PCDH15: variants seen among roughly 807,000 people sequenced by gnomAD.
PCDH15 encodes protocadherin related 15, also known as protocadherin-15.
A neutral mutation model predicts 178.5 loss-of-function variants in PCDH15; 129 were observed. The ratio of observed to expected loss-of-function variants is 0.72; its 90% confidence interval spans 0.63 to 0.84. The LOEUF (loss-of-function observed/expected upper bound fraction) is 0.84, where lower values mean the gene tolerates loss of function less well. Among genes scored for constraint, PCDH15 ranks in the 40% least tolerant of loss-of-function variants. The pLI is 0.00. For synonymous variants in PCDH15, 800 were observed against 732.0 expected (o/e 1.09, Z -1.50); for missense variants, 2,230 against 2,099.9 (o/e 1.06, Z -1.21).
At chr10:54,204,397 T>C (rs1475944011) in intron 10 of PCDH15, among the ~76,000 whole-genome samples, 1 of 151,526 alleles carries the variant, frequency 6.6e-6, no homozygotes, top group South Asian at 2.1e-4. Context: ...TAGAATCCTA[T>C]AGTGGAAGTT....
At chr10:54,730,578 T>C (rs1943200219) in intron 1 of PCDH15, among the ~76,000 whole-genome samples, 1 of 151,238 alleles carries the variant, frequency 6.6e-6, no homozygotes, top group Non-Finnish European at 1.5e-5. Context: ...AAGAAAGTAA[T>C]CAAAGTAGAA....
chr10:55,435,407 T>C (rs1839015383), intron 2 of PCDH15, among the ~76,000 whole-genome samples: 1 of 152,190 alleles, frequency 6.6e-6, no homozygotes, highest in Non-Finnish European at 1.5e-5. Context: ...TAGCAAATAG[T>C]TAATTAAATA....
chr10:54,963,001 C>A (rs192836620), intron 2 of PCDH15, among the ~76,000 whole-genome samples: 52 of 152,302 alleles, frequency 3.4e-4, no homozygotes, highest in Middle Eastern at 3.4e-3. Flanking sequence ...GGCTTGACTA[C>A]TAAATTCCAG....
intron 27 of PCDH15, among the ~76,000 whole-genome samples, chr10:53,859,932 TCTC>T (rs372104815): frequency 6.6e-6 from 1 of 152,026 alleles, no homozygotes; most frequent in African/African-American, 2.4e-5. Context: ...ATCAAGGAAA[TCTC>T]CTGCTCCCGG....
intron 1 of PCDH15, among the ~76,000 whole-genome samples, chr10:54,796,503 TTC>T (rs1740303855): frequency 1.3e-5 from 2 of 151,818 alleles, no homozygotes; most frequent in African/African-American, 4.8e-5. Context: ...ATCTGTCTAT[TTC>T]TGTCTTTCTT....
intron 2 of PCDH15, among the ~76,000 whole-genome samples, chr10:54,965,343 C>T (rs149065234): frequency 3.9e-4 from 59 of 152,092 alleles, no homozygotes; most frequent in East Asian, 1.6e-3. Flanking sequence ...ATTTTCCCCA[C>T]GCTATTCTCA....
rs558648963 is a variant in PCDH15 at position 54,952,878 on chromosome 10, T to G, written c.-79-55378A>C. Among the ~76,000 whole-genome samples, 7 of 151,656 alleles carry G rather than the reference T, an allele frequency of 4.6e-5. No individual in the cohort carries two copies. In the South Asian group the frequency reaches 1.5e-3, roughly 31 times the overall value. ...AAACTTGCTATATTCACATATAGTT[T>G]CAGAAGGGTTTTTTGTTGATTCTTT... On this transcript the variant is annotated intron_variant, in intron 2 of 5. Coordinates refer to the PCDH15 transcript ENST00000458638.
rs1382971788 is a variant in PCDH15 at position 55,334,236 on chromosome 10, ATATATATGTGTGTGTGTGTGTGTG to A, written c.-155-167609_-155-167586del. ...TAGGGTGCTCCATATATATATATAT[ATATATATGTGTGTGTGTGTGTGTG>A]TGTGTGTGTGTGTGTGTGTGTGTGT... On this transcript the variant is annotated intron_variant, in intron 2 of 5. Transcript: ENST00000613346. 7.6e-5 allele frequency among the ~76,000 whole-genome samples: 8 copies of A among 105,360 alleles called. No individual in the cohort carries two copies. In the East Asian group the frequency reaches 2.2e-3, roughly 30 times the overall value. 69.1% of individuals were successfully genotyped at this position (105,360 alleles called of 152,430 possible).
intron 2 of PCDH15, among the ~76,000 whole-genome samples, chr10:54,620,200 C>T (rs2093313356): frequency 6.6e-6 from 1 of 151,886 alleles, no homozygotes. Flanking sequence ...AACTCAATAA[C>T]TTATTTTATA....
intron 1 of PCDH15, among the ~76,000 whole-genome samples, chr10:54,728,063 T>C (rs1258828433): frequency 6.6e-6 from 1 of 151,272 alleles, no homozygotes. Context: ...AGGAGGGACT[T>C]CTCCCTAACT....
chr10:55,297,767 C>T (rs1332010784), intron 1 of PCDH15, among the ~76,000 whole-genome samples: 2 of 151,962 alleles, frequency 1.3e-5, no homozygotes, highest in Non-Finnish European at 2.9e-5. Flanking sequence ...GGGGCTGGGG[C>T]ATGACTGAGA....
chr10:54,194,801 A>G (rs905898228), intron 11 of PCDH15, among the ~76,000 whole-genome samples: 1 of 152,082 alleles, frequency 6.6e-6, no homozygotes, highest in Non-Finnish European at 1.5e-5. Context: ...GTGGTAGTTC[A>G]CAAACTCAAA....
rs1212404096 is a variant in PCDH15, at chr10:54,752,487, AAAAAC to A, written c.-29+48433_-29+48437del. Among the ~76,000 whole-genome samples, 895 of 93,044 alleles carry A rather than the reference AAAAAC, an allele frequency of 9.6e-3. 51 individuals carry two copies. Among genetic ancestry groups the A allele is most frequent in the African/African-American group, 0.03 (824 of 27,250 alleles). The allele number at this position is 93,044 out of a possible 152,430, so 61.0% of individuals were successfully genotyped here. A position where few individuals can be genotyped will look rare whatever the true frequency, so the allele number is the denominator to read the frequency against. ...ACGAGACTCCGTCTCAAAAAAAAAA[AAAAAC>A]AAAAAACAAAAAACAAAAAACAAAC... On this transcript the variant is annotated intron_variant, in intron 1 of 37. Transcript: ENST00000644397.
chr10:55,258,758 C>CTT (rs11398382), intron 1 of PCDH15, among the ~76,000 whole-genome samples: 2,255 of 108,114 alleles, frequency 0.021, 83 homozygotes, highest in African/African-American at 0.039. Context: ...TGTTTGTCTG[C>CTT]TTTTTTTTTT....
rs1263811377 is a variant in PCDH15, at chr10:53,808,326, G to GTA, written c.4672-1197_4672-1196insTA. On this transcript the variant is annotated intron_variant, in intron 37 of 37. Transcript: ENST00000644397. ...TGATATAAAAACATATATAGTGTGT[G>GTA]TGTGTATATATATATATATATATAT... The GTA allele has an allele frequency of 3.9e-3, 1,780 of 451,552 alleles. 5 individuals are homozygous for GTA. Among genetic ancestry groups the GTA allele is most frequent in the African/African-American group, 0.015 (625 of 41,922 alleles). The allele number at this position is 451,552 out of a possible 1,614,324, so 28.0% of individuals were successfully genotyped here.
intron 2 of PCDH15, among the ~76,000 whole-genome samples, chr10:55,562,852 G>T (rs1253484215): frequency 1.3e-5 from 2 of 151,982 alleles, no homozygotes; most frequent in Non-Finnish European, 2.9e-5. Context: ...GGAAAAGCAA[G>T]CACTGGAAAT....
chr10:54,123,467 A>G (rs2041731380), intron 15 of PCDH15, among the ~76,000 whole-genome samples: 1 of 152,184 alleles, frequency 6.6e-6, no homozygotes, highest in East Asian at 1.9e-4. Context: ...CAAAACCACT[A>G]TGAGATACCT....
intron 9 of PCDH15, among the ~76,000 whole-genome samples, chr10:54,231,201 G>T (rs1384708239): frequency 1.3e-5 from 2 of 152,194 alleles, no homozygotes; most frequent in Admixed American, 1.3e-4. Flanking sequence ...ACTGCCCTGT[G>T]CAACCTCAGG....
chr10:55,527,520 A>G (rs778732302), intron 2 of PCDH15, among the ~76,000 whole-genome samples: 5 of 152,066 alleles, frequency 3.3e-5, no homozygotes, highest in African/African-American at 1.2e-4. Context: ...ATCAGTAACT[A>G]CTTCCAAATA....
Sources: gnomAD v4.1 joint callset for allele counts (sites outside exome capture counted in the v4.1 genomes callset) on GRCh38, gnomAD v4.1.1 for gene constraint, MANE v1.5 for transcripts, NCBI Gene and HGNC (gene_info 2026-07-23, HGNC 2026-07-21) for gene names.